Variants in MYZAP observed in about 807,000 individuals in gnomAD.
MYZAP encodes the protein GRINL1A complex locus upstream.
Under a neutral mutation model 69.4 loss-of-function variants are expected in MYZAP, and 66 were observed. The observed-to-expected ratio is 0.95, with a 90% confidence interval of 0.78 to 1.17. MYZAP has a LOEUF of 1.17. Ranked by LOEUF, MYZAP falls within the 50% of genes most tolerant of loss-of-function variation. The pLI is 0.00. For missense variants in MYZAP, 611 were observed against 556.2 expected (o/e 1.10, Z -0.99); for synonymous variants, 256 against 205.9 (o/e 1.24, Z -2.09).
intron 2 of MYZAP, among the ~76,000 whole-genome samples, chr15:57,611,469 G>C (rs905880242): frequency 6.6e-6 from 1 of 152,058 alleles, no homozygotes; most frequent in African/African-American, 2.4e-5. Context: ...TTTCCGCGGG[G>C]GTTATTAGGC....
intron 1 of MYZAP, among the ~76,000 whole-genome samples, chr15:57,596,149 C>G (rs1469769577): frequency 2.0e-5 from 3 of 152,104 alleles, no homozygotes; most frequent in Admixed American, 2.0e-4. Context: ...TATGGAGATC[C>G]CATGGCTTTT....
intron 10 of MYZAP, among the ~76,000 whole-genome samples, chr15:57,659,551 G>A (rs1471672163): frequency 1.3e-5 from 2 of 152,032 alleles, no homozygotes; most frequent in Non-Finnish European, 2.9e-5. Flanking sequence ...TACATCAAAC[G>A]GTTTCAAAAT....
intron 5 of MYZAP, among the ~76,000 whole-genome samples, chr15:57,626,979 G>A (rs1215512422): frequency 5.9e-5 from 9 of 152,122 alleles, no homozygotes; most frequent in Non-Finnish European, 1.5e-5. Flanking sequence ...GGTCTGGTTT[G>A]CTCAGCAGCC....
intron 9 of MYZAP, 91 bp downstream of exon 9, chr15:57,637,865 G>A: frequency 7.5e-7 from 1 of 1,335,062 alleles, no homozygotes; most frequent in Non-Finnish European, 1.0e-6. Context: ...ATTTTCATTT[G>A]TGTGGTTGTA....
rs11071336 is a variant in MYZAP, at chr15:57,599,043, G to A, written c.76-5226G>A. ...AGAATGTTTACAGAGTGCTTAATGC[G>A]TGCCAGAAATTGTCCTAAGCTCTTT... On this transcript the variant is annotated intron_variant, in intron 1 of 12. Transcript: ENST00000267853. Among the ~76,000 whole-genome samples, 120 of 152,170 alleles carry A rather than the reference G, an allele frequency of 7.9e-4. 2 individuals carry two copies. In the East Asian group the frequency reaches 0.021, roughly 27 times the overall value.
chr15:57,634,320 AAGAAGGAAG>A (rs1455630960), intron 8 of MYZAP, among the ~76,000 whole-genome samples: 1 of 152,092 alleles, frequency 6.6e-6, no homozygotes, highest in Non-Finnish European at 1.5e-5. Flanking sequence ...GAAAGAGGAA[AAGAAGGAAG>A]AGAAGGAAGA....
chr15:57,676,420 GTGTATATATATA>G (rs1366854588), intron 12 of MYZAP, among the ~76,000 whole-genome samples: 2 of 33,236 alleles, frequency 6.0e-5, no homozygotes, highest in African/African-American at 1.1e-4. Flanking sequence ...GTATATATAT[GTGTATATATATA>G]TATGTATATA....
chr15:57,657,331 A>T (rs2038057912), intron 10 of MYZAP, among the ~76,000 whole-genome samples: 1 of 152,212 alleles, frequency 6.6e-6, no homozygotes, highest in African/African-American at 2.4e-5. Flanking sequence ...TAATACTATA[A>T]AAAGGAATGA....
At chr15:57,601,231 A>G (rs180972446) in intron 1 of MYZAP, among the ~76,000 whole-genome samples, 58 of 151,712 alleles carry the variant, frequency 3.8e-4, no homozygotes, top group Non-Finnish European at 7.7e-4. Context: ...GAGCCTGTGT[A>G]TGTGTGTATG....
At chr15:57,636,742 G>C (rs565571965) in intron 8 of MYZAP, among the ~76,000 whole-genome samples, 4 of 152,278 alleles carry the variant, frequency 2.6e-5, no homozygotes, top group African/African-American at 7.2e-5. Context: ...AATGATTCCA[G>C]ACTCTTTTTT....
At chr15:57,678,388 G>A (rs527354653) in intron 12 of MYZAP, among the ~76,000 whole-genome samples, 13 of 152,180 alleles carry the variant, frequency 8.5e-5, no homozygotes, top group Middle Eastern at 3.4e-3. Flanking sequence ...AAATAAAAAT[G>A]AAAGCATTTT....
At chr15:57,626,384 A>T (rs2036136711) in intron 5 of MYZAP, among the ~76,000 whole-genome samples, 1 of 152,244 alleles carries the variant, frequency 6.6e-6, no homozygotes, top group South Asian at 2.1e-4. Context: ...CACGTCTTGT[A>T]GTAGCAGACA....
intron 10 of MYZAP, among the ~76,000 whole-genome samples, chr15:57,654,924 T>G (rs2140519991): frequency 6.6e-6 from 1 of 152,286 alleles, no homozygotes; most frequent in South Asian, 2.1e-4. Context: ...ACGCAGTTTT[T>G]ATTTAAATGT....
chr15:57,613,809 G>A (rs1351809028), intron 2 of MYZAP, among the ~76,000 whole-genome samples: 3 of 152,094 alleles, frequency 2.0e-5, no homozygotes, highest in Admixed American at 1.3e-4. Flanking sequence ...CTACATCCAC[G>A]CTGTATAAGG....
chr15:57,626,206 C>T (rs1328611318), intron 5 of MYZAP, among the ~76,000 whole-genome samples: 1 of 152,174 alleles, frequency 6.6e-6, no homozygotes, highest in Non-Finnish European at 1.5e-5. Context: ...ACACGTCAGC[C>T]CTCTTCCTCC....
chr15:57,596,774 C>T (rs1370112881), intron 1 of MYZAP, among the ~76,000 whole-genome samples: 3 of 152,172 alleles, frequency 2.0e-5, no homozygotes, highest in Non-Finnish European at 4.4e-5. Flanking sequence ...GCCATTTCCC[C>T]GAGCTTTCGA....
intron 12 of MYZAP, among the ~76,000 whole-genome samples, chr15:57,679,238 C>T (rs1299700767): frequency 6.6e-6 from 1 of 152,006 alleles, no homozygotes; most frequent in Non-Finnish European, 1.5e-5. Context: ...GTGAAAGATA[C>T]ATACCAAATG....
At chr15:57,595,237 TAAAC>T (rs1456872615) in intron 1 of MYZAP, among the ~76,000 whole-genome samples, 2 of 152,170 alleles carry the variant, frequency 1.3e-5, no homozygotes, top group South Asian at 2.1e-4. Context: ...TGTCAGCTGA[TAAAC>T]AAAGCTCTGA....
Position 57,629,088 on chromosome 15 carries a change from C to CAAAAA in MYZAP, c.526-599_526-595dup, listed in dbSNP as rs1274144448. On this transcript the variant is annotated intron_variant, in intron 5 of 12. Transcript: ENST00000267853. ...ACAGAGTAAGGCTCTGTCTCAAAAA[C>CAAAAA]AAAAAAAAAAAAAAAAAAAGAAAAA... Among the ~76,000 whole-genome samples the CAAAAA allele has an allele frequency of 5.6e-3, 638 of 114,918 alleles. 3 individuals are homozygous for CAAAAA. Among genetic ancestry groups the CAAAAA allele is most frequent in the Middle Eastern group, 0.011 (2 of 184 alleles). The allele number at this position is 114,918 out of a possible 152,430, so 75.4% of individuals were successfully genotyped here.
Sources: allele counts gnomAD v4.1 joint callset (sites outside exome capture counted in the v4.1 genomes callset), GRCh38; gene constraint gnomAD v4.1.1; transcripts MANE v1.5; gene names NCBI Gene and HGNC (gene_info 2026-07-23, HGNC 2026-07-21).